The following ZNF407 variants were observed in gnomAD, a reference collection of about 807,000 sequenced individuals.
ZNF407 encodes the protein zinc finger protein 407.
A neutral mutation model predicts 131.2 loss-of-function variants in ZNF407; 17 were observed. The ratio of observed to expected loss-of-function variants is 0.13; its 90% CI spans 0.09 to 0.19. The LOEUF (loss-of-function observed/expected upper bound fraction) is 0.19. Among genes scored for constraint, ZNF407 ranks in the 10% least tolerant of loss-of-function variants. The pLI is 1.00. For missense variants in ZNF407, 2,681 were observed against 2,830.6 expected (o/e 0.95, Z 1.20); for synonymous variants, 1,156 against 1,062.0 (o/e 1.09, Z -1.72).
chr18:74,611,783 A>T (rs573486456), intron 1 of ZNF407, among the ~76,000 whole-genome samples: 2 of 152,306 alleles, frequency 1.3e-5, no homozygotes, highest in African/African-American at 4.8e-5. Context: ...CTTGTTTGAA[A>T]TGCAGATCTG....
At position 74,631,164 on chromosome 18, in the gene ZNF407, G is replaced by A; in HGVS notation, c.145G>A (p.Gly49Ser). The A allele has an allele frequency of 4.3e-6, 7 of 1,613,936 alleles. No homozygotes were observed. Among genetic ancestry groups the A allele is most frequent in the Non-Finnish European group, 5.9e-6 (7 of 1,179,896 alleles). ...AGCAAGTTTCCCTGAGAATTCTATG[G>A]GCAAAAGAGGTTTTTCAGAATCATC... ...VIASFPENSMGKRGFSESSNS... is the reference protein window; with the variant it reads ...VIASFPENSMSKRGFSESSNS... The change falls in exon 2 of 9, where the codon GGC becomes AGC. Residue 49 changes from glycine (G) to serine (S), a missense_variant. Coordinates refer to ENST00000299687, the MANE Select transcript of ZNF407 (RefSeq NM_017757.3).
rs1261612026 is a variant in ZNF407 at position 75,063,691 on chromosome 18, T to G, written c.5970T>G (p.Asp1990Glu). The part of the protein sequence containing the change: ...VAPPEASSAL[D>E]ALLCAVTELG... ...CCCCCGAGGCATCCTCAGCCCTGGA[T>G]GCATTGCTCTGTGCGGTCACTGAAT... is the stretch of plus-strand genomic sequence containing the variant. The change falls in exon 9 of 9, where the codon GAT becomes GAG. Residue 1990 changes from aspartate to glutamate, a missense_variant. By Grantham distance (45) the Asp-to-Glu change is conservative. Coordinates refer to ENST00000299687, the MANE Select transcript of ZNF407 (RefSeq NM_017757.3). The surrounding 1 kb of genome is among the most constrained non-coding windows in gnomAD (Gnocchi z 6.6). The G allele has an allele frequency of 6.2e-7, 1 of 1,611,760 alleles. No homozygotes were observed. Among genetic ancestry groups the G allele is most frequent in the South Asian group, 1.1e-5 (1 of 90,826 alleles).
In ZNF407 at chr18:74,634,299, A is replaced by T. The variant is rs764005813; in HGVS notation, c.3280A>T (p.Ile1094Phe). The T allele has an allele frequency of 8.7e-6, 14 of 1,613,910 alleles. No individual in the cohort carries two copies. The East Asian group carries it at 1.3e-4, about 15-fold the overall frequency. ...EAGSADMSKN[I>F]IMPEEEHQQN... is the part of the protein sequence containing the mutation. ...TGGTTCTGCAGACATGTCCAAAAAC[A>T]TCATTATGCCTGAAGAAGAGCATCA... Residue 1094 changes from isoleucine to phenylalanine, a missense_variant, in exon 2 of 9, where the codon ATC becomes TTC. This residue lies in a region of ZNF407 where 1,789 missense variants were observed against 1,748.7 expected (regional missense o/e 1.02). Transcript: ENST00000299687.
intron 8 of ZNF407, among the ~76,000 whole-genome samples, chr18:74,973,155 T>A (rs1568287852): frequency 6.6e-6 from 1 of 152,102 alleles, no homozygotes; most frequent in Non-Finnish European, 1.5e-5. Context: ...TGTGTGTGTA[T>A]AAACATTATA....
At chr18:74,842,245 A>C (rs1287969859) in intron 4 of ZNF407, among the ~76,000 whole-genome samples, 1 of 152,184 alleles carries the variant, frequency 6.6e-6, no homozygotes, top group Non-Finnish European at 1.5e-5. Flanking sequence ...GGTGCCTAAT[A>C]AAAGGATCTT....
Position 75,048,695 on chromosome 18 carries a change from A to C in ZNF407, c.5429-14455A>C, listed in dbSNP as rs1464391639. ...AAAAATCAACTAGATTATTTTCATC[A>C]ACTTTATAACTATGTTTAAAATGTT... On this transcript the variant is annotated intron_variant, in intron 8 of 8. Transcript: ENST00000299687. This position sits in a 1 kb window ranked among gnomAD's most constrained non-coding sequence, Gnocchi z 4.1. Among the ~76,000 whole-genome samples, 2 of 152,216 alleles carry C rather than the reference A, an allele frequency of 1.3e-5. No individual in the cohort carries two copies. The highest frequency in any genetic ancestry group is 2.9e-5 in the Non-Finnish European group (2 of 68,044).
intron 4 of ZNF407, among the ~76,000 whole-genome samples, chr18:74,864,785 A>G (rs565429638): frequency 6.6e-6 from 1 of 152,234 alleles, no homozygotes; most frequent in African/African-American, 2.4e-5. Context: ...TAAGATCACA[A>G]TAAGATGAGG....
At chr18:74,906,020 TCTC>T (rs1039846800) in intron 7 of ZNF407, 2 of 153,026 alleles carry the variant, frequency 1.3e-5, no homozygotes, top group Non-Finnish European at 1.5e-5. Context: ...TTACTTAAAT[TCTC>T]CTGACATTTA....
intron 3 of ZNF407, among the ~76,000 whole-genome samples, chr18:74,715,866 C>T (rs1967882026): frequency 6.6e-6 from 1 of 152,202 alleles, no homozygotes; most frequent in South Asian, 2.1e-4. Context: ...TACCTGCTTG[C>T]TCCCTGATTA....
intron 3 of ZNF407, among the ~76,000 whole-genome samples, chr18:74,756,562 G>GT (rs1968968315): frequency 1.3e-5 from 2 of 152,098 alleles, no homozygotes; most frequent in Admixed American, 6.5e-5. Context: ...TATTTTAAAT[G>GT]TTTTTATACT....
chr18:75,012,797 A>G lies in ZNF407; in HGVS notation c.5429-50353A>G, dbSNP rs572294633. The stretch of plus-strand genomic sequence containing the variant: ...AGAGATGATATAAATACCTTATTTC[A>G]TGAATGGTTTATTCATTAAAATCTT... On this transcript the variant is annotated intron_variant, in intron 8 of 8. Coordinates refer to ENST00000299687, the MANE Select transcript of ZNF407 (RefSeq NM_017757.3). Among the ~76,000 whole-genome samples the G allele has an allele frequency of 1.9e-3, 289 of 152,098 alleles. 1 individual carries two copies. The highest frequency in any genetic ancestry group is 6.3e-3 in the African/African-American group (260 of 41,524).
Position 74,886,634 on chromosome 18 carries a change from G to A in ZNF407, c.5129-3284G>A, listed in dbSNP as rs1490680664. Reference sequence around the variant, plus strand: ...CAGAAGATAATTATGCTGAGAGAAAGAGTCCAGACAATAGAGAATTCATAC... The same window carrying A: ...CAGAAGATAATTATGCTGAGAGAAAAAGTCCAGACAATAGAGAATTCATAC... On this transcript the variant is annotated intron_variant, in intron 6 of 8. Coordinates refer to ENST00000299687, the MANE Select transcript of ZNF407 (RefSeq NM_017757.3). Among the ~76,000 whole-genome samples, 6 of 152,328 alleles carry A rather than the reference G, an allele frequency of 3.9e-5. No individual in the cohort carries two copies. The South Asian group carries it at 1.0e-3, about 26-fold the overall frequency.
At chr18:74,934,299 A>T (rs1972014644) in intron 8 of ZNF407, among the ~76,000 whole-genome samples, 1 of 151,966 alleles carries the variant, frequency 6.6e-6, no homozygotes, top group Non-Finnish European at 1.5e-5. Context: ...TATAAATTTT[A>T]TTTTTTTTCT....
intron 3 of ZNF407, among the ~76,000 whole-genome samples, chr18:74,750,800 T>C (rs1486259149): frequency 6.6e-6 from 1 of 152,208 alleles, no homozygotes; most frequent in Admixed American, 6.6e-5. Flanking sequence ...TGTTTCTTGC[T>C]AGCAGTGTAT....
intron 3 of ZNF407, among the ~76,000 whole-genome samples, chr18:74,677,254 T>C (rs1219336246): frequency 5.9e-5 from 9 of 151,898 alleles, no homozygotes; most frequent in Non-Finnish European, 1.0e-4. Context: ...GCACACCAGG[T>C]TAATTTCTGT....
At chr18:75,040,442 T>G (rs1973359854) in intron 8 of ZNF407, among the ~76,000 whole-genome samples, 1 of 152,250 alleles carries the variant, frequency 6.6e-6, no homozygotes, top group Non-Finnish European at 1.5e-5. Flanking sequence ...TGGAAGATTC[T>G]GTCTTCCTCT....
At chr18:74,600,468 AGTT>A (rs1183543148) in intron 1 of ZNF407, among the ~76,000 whole-genome samples, 2 of 152,178 alleles carry the variant, frequency 1.3e-5, no homozygotes, top group Admixed American at 6.5e-5. Flanking sequence ...AAGCCACTGT[AGTT>A]GTCAGGGAGC....
intron 4 of ZNF407, among the ~76,000 whole-genome samples, chr18:74,833,597 C>T (rs546862911): frequency 7.2e-5 from 11 of 152,270 alleles, no homozygotes; most frequent in Admixed American, 2.6e-4. Context: ...ACACACAGCG[C>T]GAGGGGGACA....
intron 3 of ZNF407, among the ~76,000 whole-genome samples, chr18:74,682,839 A>C (rs1207337822): frequency 6.6e-6 from 1 of 152,184 alleles, no homozygotes; most frequent in African/African-American, 2.4e-5. Flanking sequence ...TTATGCTGAC[A>C]GGCGCATTTT....
Sources: gnomAD v4.1 joint callset for allele counts (sites outside exome capture counted in the v4.1 genomes callset) on GRCh38, gnomAD v4.1.1 for gene constraint, gnomAD v4.1.1 regional missense constraint, Gnocchi (gnomAD v3.1) non-coding constraint, MANE v1.5 for transcripts, NCBI Gene and HGNC (gene_info 2026-07-23, HGNC 2026-07-21) for gene names.